The following BARX2 variants were observed in gnomAD, a reference collection of about 807,000 sequenced individuals.
BARX2 encodes homeobox protein BarH-like 2.
In BARX2, 11 loss-of-function variants were observed where a neutral mutation model predicts 25.5. The observed-to-expected ratio is 0.43, with a 90% CI of 0.27 to 0.71. BARX2 has a LOEUF of 0.71. Ranked by LOEUF, BARX2 falls within the 30% of genes least tolerant of loss-of-function variation. The probability of loss-of-function intolerance (pLI) is 0.19; values close to 1 mark genes in which losing one functional copy is unlikely to be tolerated. For missense variants in BARX2, 360 were observed against 359.9 expected, an observed-to-expected ratio of 1.00 and a Z score of 0.00; for synonymous variants, 137 against 149.5, an observed-to-expected ratio of 0.92 and a Z score of 0.61.
intron 1 of BARX2, among the ~76,000 whole-genome samples, chr11:129,417,191 G>A (rs369441594): frequency 7.2e-5 from 11 of 152,224 alleles, no homozygotes; most frequent in African/African-American, 1.9e-4. Context: ...GTGAGCCACC[G>A]TGCCTGGCCC....
intron 1 of BARX2, among the ~76,000 whole-genome samples, chr11:129,402,527 T>C (rs1292155853): frequency 1.3e-5 from 2 of 152,062 alleles, no homozygotes; most frequent in East Asian, 3.9e-4. Flanking sequence ...TGTTTCCCCA[T>C]CTGTAAAAAA....
chr11:129,445,311 A>G (rs1253907082), intron 3 of BARX2, among the ~76,000 whole-genome samples: 1 of 152,210 alleles, frequency 6.6e-6, no homozygotes, highest in African/African-American at 2.4e-5. Context: ...TAAGTAGCAG[A>G]GGCATTGTTT....
At chr11:129,398,057 G>T (rs537766893) in intron 1 of BARX2, among the ~76,000 whole-genome samples, 1 of 152,184 alleles carries the variant, frequency 6.6e-6, no homozygotes, top group Non-Finnish European at 1.5e-5. Context: ...CTGATAACAC[G>T]ATCTCAACTG....
intron 1 of BARX2, among the ~76,000 whole-genome samples, chr11:129,415,638 C>A (rs1861936542): frequency 6.6e-6 from 1 of 152,156 alleles, no homozygotes; most frequent in East Asian, 1.9e-4. Flanking sequence ...CTTTCTTGGG[C>A]CCCTTCTTAA....
At chr11:129,442,980 T>C in intron 3 of BARX2, 61 bp downstream of exon 3, 1 of 1,483,340 alleles carries the variant, frequency 6.7e-7, no homozygotes, top group Non-Finnish European at 9.4e-7. Context: ...ACTCCAGGGC[T>C]GTTGGGAGGG....
intron 1 of BARX2, among the ~76,000 whole-genome samples, chr11:129,428,040 T>C (rs1862085989): frequency 6.6e-6 from 1 of 152,208 alleles, no homozygotes; most frequent in Non-Finnish European, 1.5e-5. Flanking sequence ...GAAGTATTTC[T>C]AGGTAAATGA....
rs771787101 is a variant in BARX2 at position 129,451,386 on chromosome 11, C to T, written c.824C>T (p.Pro275Leu). ...GAGTTGCCAATACCCTCTTCGGAAC[C>T]CCCACCATTAAGCTAAAGTAAAACC... ...PQELPIPSSEPPPLS is the reference protein window; with the variant it reads ...PQELPIPSSELPPLS Residue 275 changes from proline (P) to leucine (L), a missense_variant, in exon 4 of 4, where the codon CCC becomes CTC. Coordinates refer to ENST00000281437, the MANE Select transcript of BARX2 (RefSeq NM_003658.5). 1 of 1,613,460 alleles carries T rather than the reference C, an allele frequency of 6.2e-7. No homozygotes were observed. Among genetic ancestry groups the T allele is most frequent in the South Asian group, 1.1e-5 (1 of 91,056 alleles).
Position 129,448,564 on chromosome 11 carries a change from A to G in BARX2, c.574-2572A>G, listed in dbSNP as rs549919629. Reference sequence around the variant, plus strand: ...CATCAGGGAAATAAATGCAAAGCAGAACCACAATGAGATACCACTTCCCAC... The same window carrying G: ...CATCAGGGAAATAAATGCAAAGCAGGACCACAATGAGATACCACTTCCCAC... On this transcript the variant is annotated intron_variant, in intron 3 of 3. Transcript: ENST00000281437. 5.2e-5 allele frequency among the ~76,000 whole-genome samples: 8 copies of G among 152,386 alleles called. No homozygotes were observed. In the South Asian group the frequency reaches 1.7e-3, roughly 32 times the overall value.
At chr11:129,445,874 C>A (rs1454441086) in intron 3 of BARX2, among the ~76,000 whole-genome samples, 2 of 138,092 alleles carry the variant, frequency 1.4e-5, no homozygotes, top group African/African-American at 5.0e-5. Context: ...CAGTAAAACT[C>A]TTTTCAAGGC....
intron 1 of BARX2, among the ~76,000 whole-genome samples, chr11:129,418,775 T>G (rs1861971791): frequency 6.6e-6 from 1 of 152,212 alleles, no homozygotes; most frequent in Admixed American, 6.5e-5. Flanking sequence ...TAGCTCATTA[T>G]TAACACACCC....
chr11:129,445,312 G>A (rs921137634), intron 3 of BARX2, among the ~76,000 whole-genome samples: 13 of 152,200 alleles, frequency 8.5e-5, no homozygotes, highest in East Asian at 3.9e-4. Context: ...AAGTAGCAGA[G>A]GCATTGTTTA....
intron 3 of BARX2, 130 bp from the exon 4 acceptor site, chr11:129,451,006 A>G: frequency 8.9e-7 from 1 of 1,124,522 alleles, no homozygotes; most frequent in South Asian, 1.6e-5. Context: ...TTGAGAATAT[A>G]TTTTGCCAAA....
chr11:129,396,110 C>G (rs1327153255), intron 1 of BARX2, among the ~76,000 whole-genome samples: 1 of 152,146 alleles, frequency 6.6e-6, no homozygotes, highest in African/African-American at 2.4e-5. Context: ...TGCATGACAT[C>G]GACTGTCTCT....
upstream of BARX2, among the ~76,000 whole-genome samples, chr11:129,375,598 G>A (rs1591421807): frequency 6.6e-6 from 1 of 152,026 alleles, no homozygotes; most frequent in South Asian, 2.1e-4. This position sits in a 1 kb window ranked among gnomAD's most constrained non-coding sequence, Gnocchi z 4.0. Flanking sequence ...GGGGGGGAGG[G>A]GGAGGAGAGC....
intron 2 of BARX2, among the ~76,000 whole-genome samples, chr11:129,441,895 A>G (rs1223031267): frequency 6.6e-6 from 1 of 152,206 alleles, no homozygotes; most frequent in Admixed American, 6.5e-5. Flanking sequence ...TGAATGGGAT[A>G]GATAAGACAG....
At chr11:129,393,807 A>G (rs1372814594) in intron 1 of BARX2, among the ~76,000 whole-genome samples, 1 of 152,190 alleles carries the variant, frequency 6.6e-6, no homozygotes, top group Non-Finnish European at 1.5e-5. Flanking sequence ...CCAGTTTAAG[A>G]AAAATATTTC....
intron 1 of BARX2, among the ~76,000 whole-genome samples, chr11:129,413,253 C>T (rs1171569553): frequency 6.6e-6 from 1 of 152,144 alleles, no homozygotes; most frequent in Admixed American, 6.5e-5. Flanking sequence ...AAAACCAAGG[C>T]TTATCAAACT....
intron 1 of BARX2, among the ~76,000 whole-genome samples, chr11:129,394,935 A>ATT (rs33959182): frequency 0.22 from 32,206 of 144,784 alleles, 5,831 homozygotes; most frequent in African/African-American, 0.49. Flanking sequence ...TCCACTCAGC[A>ATT]TTTTTTTTTT....
At chr11:129,434,877 C>T (rs1862171672) in intron 1 of BARX2, among the ~76,000 whole-genome samples, 1 of 152,084 alleles carries the variant, frequency 6.6e-6, no homozygotes, top group Admixed American at 6.5e-5. Context: ...AAATATTATT[C>T]AATGTTGGGT....
Sources: gnomAD v4.1 joint callset for allele counts (sites outside exome capture counted in the v4.1 genomes callset) on GRCh38, gnomAD v4.1.1 for gene constraint, Gnocchi (gnomAD v3.1) non-coding constraint, MANE v1.5 for transcripts, NCBI Gene and HGNC (gene_info 2026-07-23, HGNC 2026-07-21) for gene names.